Variants in PRKG2 observed in about 807,000 individuals in gnomAD.
PRKG2 encodes protein kinase cGMP-dependent 2.
In PRKG2, 33 loss-of-function variants were observed where a neutral mutation model predicts 97.2. That is an observed-to-expected ratio of 0.34 (90% CI 0.26 to 0.45). The LOEUF is 0.45. PRKG2 is among the 20% of genes least tolerant of loss of function. The pLI is 1.00. For synonymous variants in PRKG2, 330 were observed against 321.8 expected (o/e 1.03, Z -0.27); for missense variants, 638 against 900.0 (o/e 0.71, Z 3.73).
intron 18 of PRKG2, among the ~76,000 whole-genome samples, chr4:81,092,057 C>G (rs1240981340): frequency 6.6e-6 from 1 of 151,434 alleles, no homozygotes; most frequent in Non-Finnish European, 1.5e-5. Flanking sequence ...TTTAAAATGG[C>G]TATTAGAAAA....
chr4:81,122,500 G>A (rs1321494637), intron 14 of PRKG2, among the ~76,000 whole-genome samples: 2 of 152,102 alleles, frequency 1.3e-5, no homozygotes, highest in East Asian at 3.8e-4. Flanking sequence ...GTAGAATGAG[G>A]TCTTAATCCC....
rs76265278 is a variant in PRKG2 at position 81,145,912 on chromosome 4, C to T, written c.1155-1582G>A. Among the ~76,000 whole-genome samples, 1,165 of 152,206 alleles carry T rather than the reference C, an allele frequency of 7.7e-3. 20 individuals are homozygous for T. Among genetic ancestry groups the T allele is most frequent in the African/African-American group, 0.027 (1,105 of 41,530 alleles). ...TGCTGTCTCAACTTACTGCCTCTAC[C>T]CATTTACTTGACAACCAATCTATAT... On this transcript the variant is annotated intron_variant, in intron 9 of 18. Coordinates refer to ENST00000264399, the MANE Select transcript of PRKG2 (RefSeq NM_006259.3).
At chr4:81,133,041 G>A (rs148096594) in intron 14 of PRKG2, among the ~76,000 whole-genome samples, 9 of 152,044 alleles carry the variant, frequency 5.9e-5, no homozygotes, top group African/African-American at 1.7e-4. Context: ...AGTTCTTTGT[G>A]TCCTGAGTTG....
chr4:81,203,738 A>T (rs780241947), intron 2 of PRKG2, among the ~76,000 whole-genome samples: 5 of 152,068 alleles, frequency 3.3e-5, no homozygotes, highest in Non-Finnish European at 5.9e-5. Flanking sequence ...ACACACACAC[A>T]CACCCCTATA....
intron 7 of PRKG2, among the ~76,000 whole-genome samples, chr4:81,152,586 G>T (rs1748522109): frequency 6.6e-6 from 1 of 152,112 alleles, no homozygotes; most frequent in Admixed American, 6.5e-5. Context: ...GCCCAGAAAG[G>T]CTTAAGAACC....
At chr4:81,106,906 A>C (rs1743401156) in intron 15 of PRKG2, among the ~76,000 whole-genome samples, 1 of 152,216 alleles carries the variant, frequency 6.6e-6, no homozygotes, top group Non-Finnish European at 1.5e-5. Flanking sequence ...GCTCACCATA[A>C]CACAACCACC....
chr4:81,114,759 G>A (rs1366453181), intron 14 of PRKG2, among the ~76,000 whole-genome samples: 1 of 151,942 alleles, frequency 6.6e-6, no homozygotes, highest in East Asian at 1.9e-4. Context: ...TCCTCCCACA[G>A]TGCCCTCTTG....
chr4:81,101,010 A>G (rs1296293603), intron 17 of PRKG2, among the ~76,000 whole-genome samples: 1 of 152,166 alleles, frequency 6.6e-6, no homozygotes, highest in Non-Finnish European at 1.5e-5. Flanking sequence ...TCAAAGCCAC[A>G]ATGAGATACC....
At chr4:81,185,148 A>C (rs1751758726) in intron 2 of PRKG2, among the ~76,000 whole-genome samples, 1 of 152,204 alleles carries the variant, frequency 6.6e-6, no homozygotes, top group African/African-American at 2.4e-5. Flanking sequence ...ATAGTCCTCA[A>C]GAAGAGCAAC....
chr4:81,141,522 A>G (rs1747287587), intron 11 of PRKG2, among the ~76,000 whole-genome samples: 1 of 152,218 alleles, frequency 6.6e-6, no homozygotes, highest in African/African-American at 2.4e-5. Flanking sequence ...GTACTACTCT[A>G]GATGCACGAT....
At chr4:81,154,904 G>A (rs1307551699) in intron 6 of PRKG2, among the ~76,000 whole-genome samples, 1 of 152,166 alleles carries the variant, frequency 6.6e-6, no homozygotes, top group Non-Finnish European at 1.5e-5. Flanking sequence ...GCCGGGCGCG[G>A]TGGCTCACGC....
chr4:81,102,871 A>T (rs1742942668), intron 17 of PRKG2, among the ~76,000 whole-genome samples: 1 of 152,186 alleles, frequency 6.6e-6, no homozygotes, highest in African/African-American at 2.4e-5. Flanking sequence ...TTATGTTCAT[A>T]CCATGTTGAT....
intron 10 of PRKG2, among the ~76,000 whole-genome samples, chr4:81,143,698 C>G (rs1747524946): frequency 6.6e-6 from 1 of 152,072 alleles, no homozygotes; most frequent in South Asian, 2.1e-4. Context: ...ATCTAGTGAA[C>G]ATGTGCTTAA....
chr4:81,186,735 A>C (rs1751917606), intron 2 of PRKG2, among the ~76,000 whole-genome samples: 1 of 152,210 alleles, frequency 6.6e-6, no homozygotes, highest in South Asian at 2.1e-4. Context: ...TAGCCAGACT[A>C]ATAAAGAAGA....
At chr4:81,121,360 T>C (rs1396119555) in intron 14 of PRKG2, among the ~76,000 whole-genome samples, 1 of 152,156 alleles carries the variant, frequency 6.6e-6, no homozygotes, top group African/African-American at 2.4e-5. Context: ...CTGAAAGACA[T>C]GGTAGAGAAT....
intron 2 of PRKG2, among the ~76,000 whole-genome samples, chr4:81,186,003 G>C (rs1216083921): frequency 1.3e-5 from 2 of 152,118 alleles, no homozygotes; most frequent in African/African-American, 4.8e-5. Context: ...AAGAGACTTA[G>C]CCTCCCACAC....
intron 14 of PRKG2, among the ~76,000 whole-genome samples, chr4:81,123,203 A>G (rs1156834286): frequency 6.6e-6 from 1 of 152,218 alleles, no homozygotes; most frequent in Non-Finnish European, 1.5e-5. Context: ...TATCTGCCAA[A>G]TTCCTATTAT....
At chr4:81,109,713 C>T in intron 15 of PRKG2, among the ~76,000 whole-genome samples, 1 of 152,156 alleles carries the variant, frequency 6.6e-6, no homozygotes, top group East Asian at 1.9e-4. Context: ...AACTAAACTA[C>T]ATAATACACA....
At position 81,152,030 on chromosome 4, in the gene PRKG2, C is replaced by A. The variant is rs1240131166; in HGVS notation, c.1015G>T (p.Gly339Cys). The A allele has an allele frequency of 1.9e-6, 3 of 1,612,532 alleles. No individual in the cohort carries two copies. The highest frequency in any genetic ancestry group is 2.5e-6 in the Non-Finnish European group (3 of 1,179,240). Reference sequence around the variant, plus strand: ...TTTATCAGCTGTGGTTGATCATGGCCTTCTGTGCTCTGTGTTACTTTTACC... The same window carrying A: ...TTTATCAGCTGTGGTTGATCATGGCATTCTGTGCTCTGTGTTACTTTTACC... ...GKVKVTQSTE[G>C]HDQPQLIKTL... Residue 339 changes from glycine to cysteine, a missense_variant, in exon 8 of 19, where the codon GGC becomes TGC. Around this residue, in one of 3 missense-constraint regions of PRKG2, gnomAD observed 332 missense variants for 421.7 expected, o/e 0.79. Transcript: ENST00000264399.
Sources: gnomAD v4.1 joint callset for allele counts (sites outside exome capture counted in the v4.1 genomes callset) on GRCh38, gnomAD v4.1.1 for gene constraint, gnomAD v4.1.1 regional missense constraint, MANE v1.5 for transcripts, NCBI Gene and HGNC (gene_info 2026-07-23, HGNC 2026-07-21) for gene names.